ATP8B4: variants seen among roughly 807,000 people sequenced by gnomAD.
ATP8B4 encodes probable phospholipid-transporting ATPase IM.
Under a neutral mutation model 145.6 loss-of-function variants are expected in ATP8B4, and 133 were observed. That is an observed-to-expected ratio of 0.91 (90% CI 0.79 to 1.05). The LOEUF (loss-of-function observed/expected upper bound fraction) is 1.05. Ranked by LOEUF, ATP8B4 falls within the 50% of genes least tolerant of loss-of-function variation. The pLI is 0.00. For synonymous variants in ATP8B4, 507 were observed against 492.9 expected (o/e 1.03, Z -0.38); for missense variants, 1,458 against 1,425.2 (o/e 1.02, Z -0.37).
chr15:49,949,979 T>G (rs2042922117), intron 14 of ATP8B4, among the ~76,000 whole-genome samples: 1 of 152,242 alleles, frequency 6.6e-6, no homozygotes, highest in Non-Finnish European at 1.5e-5. Context: ...TTTGCATATG[T>G]TGAACCAGCC....
At chr15:50,117,007 A>T (rs2057175758) in intron 1 of ATP8B4, among the ~76,000 whole-genome samples, 1 of 152,126 alleles carries the variant, frequency 6.6e-6, no homozygotes, top group Admixed American at 6.6e-5. Flanking sequence ...CATGCTATAC[A>T]AGAATTTAGA....
intron 14 of ATP8B4, among the ~76,000 whole-genome samples, chr15:49,958,795 A>G (rs1197546633): frequency 6.6e-6 from 1 of 151,988 alleles, no homozygotes; most frequent in Non-Finnish European, 1.5e-5. Context: ...TTCTAAACAG[A>G]TAACTACTGT....
chr15:50,006,362 T>C (rs2048301322), intron 7 of ATP8B4, among the ~76,000 whole-genome samples: 1 of 150,906 alleles, frequency 6.6e-6, no homozygotes, highest in East Asian at 1.9e-4. Context: ...TAGATATATA[T>C]CAGAGAGAGA....
At position 49,860,131 on chromosome 15, in the gene ATP8B4, C is replaced by T; in HGVS notation, c.*63G>A. The T allele has an allele frequency of 4.6e-6, 7 of 1,526,984 alleles. No homozygotes were observed. The highest frequency in any genetic ancestry group is 2.3e-5 in the East Asian group (1 of 44,252). 94.6% of individuals were successfully genotyped at this position (1,526,984 alleles called of 1,614,324 possible). ...TTGCCTCAAATCTCAAACTCTGGAGCCAGCAGAATTTCAGCTCCACCTGAA... is the reference window on the plus strand; with the variant it reads ...TTGCCTCAAATCTCAAACTCTGGAGTCAGCAGAATTTCAGCTCCACCTGAA... On this transcript the variant is annotated 3_prime_UTR_variant, in exon 28 of 28. Transcript: ENST00000284509.
chr15:49,892,274 T>G (rs1229778669), intron 23 of ATP8B4, among the ~76,000 whole-genome samples: 3 of 152,174 alleles, frequency 2.0e-5, no homozygotes, highest in African/African-American at 7.2e-5. Flanking sequence ...ATAAGAAAGC[T>G]ATAAAAGAAT....
chr15:49,961,026 G>A (rs895605729), intron 14 of ATP8B4, among the ~76,000 whole-genome samples: 10 of 152,036 alleles, frequency 6.6e-5, no homozygotes, highest in South Asian at 2.1e-4. Flanking sequence ...CCAGCTACTC[G>A]GGAGGCTGAG....
Position 49,934,198 on chromosome 15 carries a change from A to G in ATP8B4, c.1288-16T>C, listed in dbSNP as rs1243601629. ...GCTCTTTTTCCTGTAGGAGAACAAC[A>G]ACAACAAAAATAACCAAAACCTCAT... On this transcript the variant is annotated splice_polypyrimidine_tract_variant and intron_variant, in intron 14 of 27. Coordinates refer to ENST00000284509, the MANE Select transcript of ATP8B4 (RefSeq NM_024837.4). 6.3e-7 allele frequency: 1 copy of G among 1,585,922 alleles called. No individual in the cohort carries two copies. Among genetic ancestry groups the G allele is most frequent in the Admixed American group, 1.9e-5 (1 of 51,968 alleles).
intron 14 of ATP8B4, among the ~76,000 whole-genome samples, chr15:49,947,280 CATT>C (rs1292301291): frequency 6.6e-6 from 1 of 151,566 alleles, no homozygotes; most frequent in Non-Finnish European, 1.5e-5. Context: ...AAATACAAAA[CATT>C]AGCCGGGCGT....
At chr15:50,012,941 A>G (rs941725329) in intron 6 of ATP8B4, among the ~76,000 whole-genome samples, 1 of 152,210 alleles carries the variant, frequency 6.6e-6, no homozygotes, top group South Asian at 2.1e-4. Context: ...TCAGAGATAC[A>G]TCTAATGAGC....
intron 21 of ATP8B4, among the ~76,000 whole-genome samples, chr15:49,899,901 C>T (rs1374427471): frequency 6.6e-6 from 1 of 152,172 alleles, no homozygotes; most frequent in Non-Finnish European, 1.5e-5. Context: ...TATCTTACCT[C>T]CTTCTTTCAA....
intron 3 of ATP8B4, among the ~76,000 whole-genome samples, chr15:50,073,408 C>T (rs189680816): frequency 1.2e-3 from 182 of 152,182 alleles, no homozygotes; most frequent in Admixed American, 7.9e-3. Context: ...TTGCAAAGGA[C>T]ATGAACTCAT....
At position 50,109,074 on chromosome 15, in the gene ATP8B4, C is replaced by T. The variant is rs2056820564; in HGVS notation, c.-42-2066G>A. Among the ~76,000 whole-genome samples the T allele has an allele frequency of 3.3e-5, 5 of 152,262 alleles. No homozygotes were observed. In the South Asian group the frequency reaches 1.0e-3, roughly 32 times the overall value. Reference sequence around the variant, plus strand: ...GCTGGAGTGGCTGCAGCTTTTTTGGCTGCTCCCTCCTGTTTTCTGGTCCCT... The same window carrying T: ...GCTGGAGTGGCTGCAGCTTTTTTGGTTGCTCCCTCCTGTTTTCTGGTCCCT... On this transcript the variant is annotated intron_variant, in intron 1 of 27. Transcript: ENST00000284509.
At chr15:50,074,894 A>G (rs72734874) in intron 2 of ATP8B4, among the ~76,000 whole-genome samples, 2,402 of 152,324 alleles carry the variant, frequency 0.016, 24 homozygotes, top group Non-Finnish European at 0.027. Context: ...TAAGGGTAGC[A>G]AGCTCTTGCT....
chr15:49,996,585 T>C lies in ATP8B4; in HGVS notation c.589+92A>G, dbSNP rs2047444480. On this transcript the variant is annotated intron_variant, in intron 9 of 27. Transcript: ENST00000284509. ...GAGAATTTGATGTCCTTCCACCAAATAAAAAGAAACATAAATTGGATCTCA... is the reference window on the plus strand; with the variant it reads ...GAGAATTTGATGTCCTTCCACCAAACAAAAAGAAACATAAATTGGATCTCA... 4.7e-6 allele frequency: 5 copies of C among 1,067,550 alleles called. No individual in the cohort carries two copies. In the South Asian group the frequency reaches 5.2e-5, roughly 11 times the overall value. The allele number at this position is 1,067,550 out of a possible 1,614,324, so 66.1% of individuals were successfully genotyped here. A position where few individuals can be genotyped will look rare whatever the true frequency, so the allele number is the denominator to read the frequency against.
chr15:50,118,591 T>G (rs1201061550), intron 1 of ATP8B4, among the ~76,000 whole-genome samples: 1 of 152,184 alleles, frequency 6.6e-6, no homozygotes, highest in African/African-American at 2.4e-5. Flanking sequence ...CCTGAGACAC[T>G]CTCTTGCCTA....
chr15:50,167,416 A>G (rs79585205), intron 1 of ATP8B4, among the ~76,000 whole-genome samples: 5,596 of 152,212 alleles, frequency 0.037, 149 homozygotes, highest in African/African-American at 0.074. Flanking sequence ...CTTGGCTTGT[A>G]GAAATAGCAC....
intron 2 of ATP8B4, among the ~76,000 whole-genome samples, chr15:50,085,957 A>ATT (rs2054951339): frequency 1.1e-4 from 3 of 26,144 alleles, no homozygotes; most frequent in Non-Finnish European, 1.7e-4. Flanking sequence ...TATATATCAT[A>ATT]TATATTTATA....
chr15:49,909,408 C>G (rs1399539503), intron 20 of ATP8B4, among the ~76,000 whole-genome samples: 1 of 152,206 alleles, frequency 6.6e-6, no homozygotes, highest in African/African-American at 2.4e-5. Context: ...GTTGTCCAAC[C>G]ACTGCTACTG....
chr15:49,898,895 C>G (rs1330810049), intron 21 of ATP8B4, among the ~76,000 whole-genome samples: 2 of 152,126 alleles, frequency 1.3e-5, no homozygotes, highest in Non-Finnish European at 2.9e-5. Flanking sequence ...TTTAGCTATA[C>G]CAAGAAATCA....
Sources: allele counts gnomAD v4.1 joint callset (sites outside exome capture counted in the v4.1 genomes callset), GRCh38; gene constraint gnomAD v4.1.1; transcripts MANE v1.5; gene names NCBI Gene and HGNC (gene_info 2026-07-23, HGNC 2026-07-21).